The following CCDC201 variants were observed in gnomAD, a reference collection of about 807,000 sequenced individuals.
The protein encoded by CCDC201 is coiled-coil domain containing 201.
the CCDC201 span, among the ~76,000 whole-genome samples, chr7:45,881,988 C>T: frequency 7.9e-5 from 12 of 152,128 alleles, no homozygotes; most frequent in African/African-American, 2.9e-4. Flanking sequence ...AAGGGCAGCA[C>T]GTCGGGCCTT....
At chr7:45,861,064 A>G (rs547370638) in exon 3 of CCDC201, 19 of 152,332 alleles carry the variant, frequency 1.2e-4, no homozygotes, top group African/African-American at 4.6e-4. Flanking sequence ...AGTCACTCAC[A>G]TTATTTTTCT....
At chr7:45,884,270 T>C in the CCDC201 span, among the ~76,000 whole-genome samples, 1 of 152,166 alleles carries the variant, frequency 6.6e-6, no homozygotes, top group African/African-American at 2.4e-5. Context: ...TGGCTAATTA[T>C]TTTTATTTTC....
intron 2 of CCDC201, among the ~76,000 whole-genome samples, chr7:45,864,035 G>T (rs891455853): frequency 1.3e-5 from 2 of 152,114 alleles, no homozygotes; most frequent in Admixed American, 1.3e-4. Context: ...GAGGACCAGC[G>T]AATTCCCAGT....
chr7:45,874,103 T>A (rs1391640957), upstream of CCDC201, among the ~76,000 whole-genome samples: 1 of 152,008 alleles, frequency 6.6e-6, no homozygotes, highest in East Asian at 1.9e-4. Context: ...TACTTTTTTG[T>A]AGAGACAGGC....
upstream of CCDC201, among the ~76,000 whole-genome samples, chr7:45,876,279 C>G (rs891274401): frequency 1.1e-4 from 16 of 152,220 alleles, no homozygotes; most frequent in African/African-American, 3.1e-4. Context: ...TGACAACCCT[C>G]TTACCTGGTG....
At chr7:45,874,000 A>G (rs1263694027), upstream of CCDC201, among the ~76,000 whole-genome samples, 1 of 148,522 alleles carries the variant, frequency 6.7e-6, no homozygotes, top group Non-Finnish European at 1.5e-5. Context: ...GCTTACTGTA[A>G]CTTCTGCCTC....
the CCDC201 span, among the ~76,000 whole-genome samples, chr7:45,879,527 G>A: frequency 6.6e-6 from 1 of 152,226 alleles, no homozygotes; most frequent in East Asian, 1.9e-4. Flanking sequence ...AGAAGGCAAA[G>A]GAGAAGCAAG....
chr7:45,871,674 A>G (rs1786744035), intron 1 of CCDC201, among the ~76,000 whole-genome samples: 1 of 152,258 alleles, frequency 6.6e-6, no homozygotes, highest in Non-Finnish European at 1.5e-5. Context: ...TCTATAGAAG[A>G]TAAACAAGCA....
intron 1 of CCDC201, among the ~76,000 whole-genome samples, chr7:45,872,581 T>G (rs1786754236): frequency 1.3e-5 from 2 of 152,116 alleles, no homozygotes; most frequent in Admixed American, 1.3e-4. Context: ...GCCCAGTGTC[T>G]CAGGACAATG....
chr7:45,877,091 G>A (rs557407112), upstream of CCDC201, among the ~76,000 whole-genome samples: 3 of 152,302 alleles, frequency 2.0e-5, no homozygotes, highest in South Asian at 4.1e-4. Context: ...TGGACGATGA[G>A]AGCCCCTCAC....
the CCDC201 span, among the ~76,000 whole-genome samples, chr7:45,878,210 A>C: frequency 6.6e-6 from 1 of 152,198 alleles, no homozygotes; most frequent in Non-Finnish European, 1.5e-5. Context: ...AGAGGCTGGC[A>C]TTGAGTGCCT....
intron 1 of CCDC201, among the ~76,000 whole-genome samples, chr7:45,867,259 C>G (rs1486053222): frequency 6.6e-6 from 1 of 152,182 alleles, no homozygotes; most frequent in African/African-American, 2.4e-5. Context: ...CATGCGTGCT[C>G]CTAACTGGTA....
upstream of CCDC201, among the ~76,000 whole-genome samples, chr7:45,876,508 T>A (rs1211722533): frequency 6.6e-6 from 1 of 152,160 alleles, no homozygotes; most frequent in Non-Finnish European, 1.5e-5. Flanking sequence ...CCCCAGGGCT[T>A]TCTGACTTCC....
upstream of CCDC201, among the ~76,000 whole-genome samples, chr7:45,877,785 C>T (rs79739148): frequency 9.4e-4 from 143 of 152,250 alleles, no homozygotes; most frequent in African/African-American, 3.3e-3. Flanking sequence ...CTGCTCCTGG[C>T]CCCTGTGAAA....
At chr7:45,863,939 A>G (rs1409112594) in intron 2 of CCDC201, among the ~76,000 whole-genome samples, 4 of 152,140 alleles carry the variant, frequency 2.6e-5, no homozygotes, top group African/African-American at 9.7e-5. Context: ...TGGAGCAGAG[A>G]CAGAGTGGCC....
chr7:45,864,579 C>T (rs1363206269), intron 2 of CCDC201, among the ~76,000 whole-genome samples: 1 of 152,148 alleles, frequency 6.6e-6, no homozygotes. Flanking sequence ...TGATGGCCCC[C>T]TCCAAATCGG....
At chr7:45,867,135 A>G (rs952063671) in intron 1 of CCDC201, among the ~76,000 whole-genome samples, 3 of 152,242 alleles carry the variant, frequency 2.0e-5, no homozygotes, top group Admixed American at 6.5e-5. Flanking sequence ...TGTGTTCACC[A>G]TAAGGTATGT....
At chr7:45,863,572 A>G (rs1786628745) in intron 2 of CCDC201, among the ~76,000 whole-genome samples, 1 of 152,240 alleles carries the variant, frequency 6.6e-6, no homozygotes, top group African/African-American at 2.4e-5. Flanking sequence ...CCCCTCTTCT[A>G]GGAGGGTGTT....
intron 1 of CCDC201, among the ~76,000 whole-genome samples, chr7:45,867,300 T>A (rs1193720349): frequency 6.6e-6 from 1 of 152,230 alleles, no homozygotes; most frequent in Non-Finnish European, 1.5e-5. Flanking sequence ...TTACTACCAA[T>A]GGAGGTAACT....
Sources: allele counts gnomAD v4.1 joint callset (sites outside exome capture counted in the v4.1 genomes callset), GRCh38; gene constraint gnomAD v4.1.1; transcripts MANE v1.5; gene names NCBI Gene and HGNC (gene_info 2026-07-23, HGNC 2026-07-21).